STK4: variants seen among roughly 807,000 people sequenced by gnomAD.
STK4 encodes serine/threonine-protein kinase 4.
In STK4, 30 loss-of-function variants were observed where a neutral mutation model predicts 64.9. The observed-to-expected ratio is 0.46, with a 90% CI of 0.35 to 0.63. The LOEUF (loss-of-function observed/expected upper bound fraction) is 0.63. STK4 is among the 20% of genes least tolerant of loss of function. STK4 has a pLI of 0.01. For missense variants in STK4, 466 were observed against 598.5 expected (o/e 0.78, Z 2.31); for synonymous variants, 177 against 199.0 (o/e 0.89, Z 0.93).
At position 45,075,157 on chromosome 20, in the gene STK4, G is replaced by A. The variant is rs1295227094; in HGVS notation, c.1445G>A (p.Arg482Lys). ...PILDAIEAKK[R>K]RQQNF ...CTGGATGCCATAGAGGCTAAGAAGA[G>A]ACGGCAACAAAACTTCTGAGCAAGG... The change falls in exon 11 of 11, where the codon AGA (arginine) becomes AAA (lysine). Residue 482 changes from arginine to lysine, a missense_variant. Arg to Lys is a conservative substitution (Grantham distance 26). This residue lies in a region of STK4 where 276 missense variants were observed against 308.9 expected (regional missense o/e 0.89). Transcript: ENST00000372806. The A allele has an allele frequency of 6.2e-7, 1 of 1,613,982 alleles. No individual in the cohort carries two copies. Among genetic ancestry groups the A allele is most frequent in the South Asian group, 1.1e-5 (1 of 91,078 alleles).
chr20:45,062,136 T>C (rs554494111), intron 10 of STK4, among the ~76,000 whole-genome samples: 1 of 152,188 alleles, frequency 6.6e-6, no homozygotes, highest in Non-Finnish European at 1.5e-5. Context: ...CACCTTGGCT[T>C]CCCAAAGTGC....
rs759505660 is a variant in STK4 at position 45,025,076 on chromosome 20, T to G, written c.1251T>G (p.Gly417=). ...ACAGCTTTGGCAAGAGTGTACCTGG[T>G]CCACTGAAAAATTCTTCAGATTGGA... ...QINSFGKSVP[G]PLKNSSDWKI... is the part of the protein sequence containing the mutation. Residue 417 remains glycine, a synonymous_variant, in exon 10 of 11, where the codon GGT becomes GGG. Transcript: ENST00000372806. The G allele has an allele frequency of 1.2e-6, 2 of 1,613,020 alleles. No individual in the cohort carries two copies. The highest frequency in any genetic ancestry group is 1.7e-4 in the Middle Eastern group (1 of 6,056).
chr20:45,057,322 A>T (rs1284172960), intron 10 of STK4, among the ~76,000 whole-genome samples: 1 of 152,226 alleles, frequency 6.6e-6, no homozygotes, highest in Non-Finnish European at 1.5e-5. Context: ...ATGCATCTAG[A>T]AGGGTGCACT....
chr20:45,011,912 G>C (rs952007880), intron 9 of STK4, among the ~76,000 whole-genome samples: 1 of 150,590 alleles, frequency 6.6e-6, no homozygotes, highest in East Asian at 1.9e-4. Flanking sequence ...CCTCTATCCA[G>C]GTCTTTGATC....
chr20:44,982,170 GGCACAGTCATAGCTCACTACAGTCATA>G (rs2067453796), intron 4 of STK4, among the ~76,000 whole-genome samples: 1 of 148,868 alleles, frequency 6.7e-6, no homozygotes, highest in Admixed American at 6.7e-5. Flanking sequence ...GGAGTGTAGT[GGCACAGTCATAGCTCACTACAGTCATA>G]GCTCTACCTC....
At chr20:44,970,236 T>TA (rs969042690) in intron 1 of STK4, among the ~76,000 whole-genome samples, 3 of 138,588 alleles carry the variant, frequency 2.2e-5, no homozygotes, top group South Asian at 2.3e-4. Context: ...TAATAATAAT[T>TA]AAAAAAAAAG....
At chr20:45,008,908 A>T (rs1012389748) in intron 9 of STK4, among the ~76,000 whole-genome samples, 2 of 149,192 alleles carry the variant, frequency 1.3e-5, no homozygotes, top group Non-Finnish European at 3.0e-5. Flanking sequence ...ATTTGTGTAA[A>T]TTTTTTTTTT....
intron 10 of STK4, among the ~76,000 whole-genome samples, chr20:45,052,134 T>G (rs879735017): frequency 6.6e-6 from 1 of 152,240 alleles, no homozygotes; most frequent in Non-Finnish European, 1.5e-5. Flanking sequence ...GTTATTATTT[T>G]CTTCTTTTTT....
chr20:45,000,099 G>C (rs2067808323), intron 7 of STK4, among the ~76,000 whole-genome samples: 1 of 152,168 alleles, frequency 6.6e-6, no homozygotes, highest in Non-Finnish European at 1.5e-5. Flanking sequence ...TTCCCAACAT[G>C]TTTACACAAG....
At position 45,043,570 on chromosome 20, in the gene STK4, G is replaced by A. The variant is rs967482890; in HGVS notation, c.1305+18440G>A. On this transcript the variant is annotated intron_variant, in intron 10 of 10. Coordinates refer to ENST00000372806, the MANE Select transcript of STK4 (RefSeq NM_006282.5). ...TGAACCTATATGAGAGTTAAATGGAGTAATGCACATCAGGGGCCTGCAATA... is the reference window on the plus strand; with the variant it reads ...TGAACCTATATGAGAGTTAAATGGAATAATGCACATCAGGGGCCTGCAATA... 7.9e-5 allele frequency among the ~76,000 whole-genome samples: 12 copies of A among 152,164 alleles called. 1 individual carries two copies. The highest frequency in any genetic ancestry group is 6.5e-4 in the Admixed American group (10 of 15,280).
intron 10 of STK4, among the ~76,000 whole-genome samples, chr20:45,025,584 C>T (rs1226767174): frequency 6.6e-6 from 1 of 152,032 alleles, no homozygotes; most frequent in Non-Finnish European, 1.5e-5. Context: ...TATAATTATT[C>T]CAGTTTCATA....
At chr20:45,005,913 CTT>C (rs1217266103) in intron 9 of STK4, among the ~76,000 whole-genome samples, 2 of 151,770 alleles carry the variant, frequency 1.3e-5, no homozygotes, top group East Asian at 1.9e-4. Flanking sequence ...TAAGTGGACT[CTT>C]ATTTTCTCTT....
chr20:45,053,380 CTTTG>C (rs1568757981), intron 10 of STK4, among the ~76,000 whole-genome samples: 2 of 152,166 alleles, frequency 1.3e-5, no homozygotes, highest in African/African-American at 2.4e-5. Context: ...TTTTCATTTC[CTTTG>C]TTTGGTTCGG....
chr20:44,989,198 C>T (rs2067590158), intron 5 of STK4, among the ~76,000 whole-genome samples: 1 of 152,120 alleles, frequency 6.6e-6, no homozygotes, highest in Admixed American at 6.6e-5. Context: ...AAACTGTTTT[C>T]CAAAGTGGCT....
intron 9 of STK4, 135 bp downstream of exon 9, chr20:45,001,488 A>G: frequency 9.0e-7 from 1 of 1,109,628 alleles, no homozygotes; most frequent in East Asian, 2.7e-5. Flanking sequence ...AAAACTTGGA[A>G]GTTTGCGATG....
At chr20:45,027,693 C>T (rs1296532804) in intron 10 of STK4, among the ~76,000 whole-genome samples, 2 of 152,030 alleles carry the variant, frequency 1.3e-5, no homozygotes, top group Non-Finnish European at 2.9e-5. Context: ...ACTGTACTAT[C>T]GAATACTAGA....
rs3044396 is a variant in STK4 at position 45,058,053 on chromosome 20, T to TCACA, written c.1306-16933_1306-16930dup. Among the ~76,000 whole-genome samples, 122 of 148,128 alleles carry TCACA rather than the reference T, an allele frequency of 8.2e-4. 2 individuals are homozygous for TCACA. The South Asian group carries it at 0.013, about 16-fold the overall frequency. Reference sequence around the variant, plus strand: ...AAACTTATATTTAGCAGTTTGAAGGTCACACACACACACACACACACACAC... The same window carrying TCACA: ...AAACTTATATTTAGCAGTTTGAAGGTCACACACACACACACACACACACACACAC... On this transcript the variant is annotated intron_variant, in intron 10 of 10. Coordinates refer to ENST00000372806, the MANE Select transcript of STK4 (RefSeq NM_006282.5).
intron 4 of STK4, among the ~76,000 whole-genome samples, chr20:44,984,333 C>A (rs1366053454): frequency 6.6e-6 from 1 of 151,116 alleles, no homozygotes; most frequent in African/African-American, 2.4e-5. Flanking sequence ...TAGCTGTACT[C>A]CCTAGTACAG....
intron 10 of STK4, among the ~76,000 whole-genome samples, chr20:45,030,187 A>G (rs2068418994): frequency 6.6e-6 from 1 of 151,482 alleles, no homozygotes; most frequent in African/African-American, 2.4e-5. Context: ...GCTCACTGCA[A>G]CCTCTGCCGC....
Sources: allele counts gnomAD v4.1 joint callset (sites outside exome capture counted in the v4.1 genomes callset), GRCh38; gene constraint gnomAD v4.1.1; regional missense constraint gnomAD v4.1.1; transcripts MANE v1.5; gene names NCBI Gene and HGNC (gene_info 2026-07-23, HGNC 2026-07-21).